Variants in OTUD7A observed in about 807,000 individuals in gnomAD.
OTUD7A encodes OTU deubiquitinase 7A.
OTUD7A carries 12 observed loss-of-function variants against 65.7 expected under a neutral mutation model. The observed-to-expected ratio is 0.18, with a 90% CI of 0.12 to 0.30. The LOEUF (loss-of-function observed/expected upper bound fraction) is 0.30. Ranked by LOEUF, OTUD7A falls within the 10% of genes least tolerant of loss-of-function variation. OTUD7A has a pLI of 1.00. For missense variants in OTUD7A, 1,148 were observed against 1,304.8 expected, an observed-to-expected ratio of 0.88 and a Z score of 1.85; for synonymous variants, 641 against 586.3, an observed-to-expected ratio of 1.09 and a Z score of -1.35.
At chr15:31,628,012 G>C (rs1350566053) in intron 3 of OTUD7A, among the ~76,000 whole-genome samples, 1 of 152,048 alleles carries the variant, frequency 6.6e-6, no homozygotes, top group Non-Finnish European at 1.5e-5. Flanking sequence ...AGATGAGTAG[G>C]TTGCAAAAAT....
intron 3 of OTUD7A, among the ~76,000 whole-genome samples, chr15:31,618,177 A>T (rs1046650633): frequency 5.3e-5 from 8 of 152,176 alleles, no homozygotes; most frequent in Admixed American, 3.3e-4. Flanking sequence ...CCAGTCTATC[A>T]TTGATGGACA....
chr15:31,563,923 C>CA (rs5811650), intron 4 of OTUD7A, among the ~76,000 whole-genome samples: 70,595 of 151,912 alleles, frequency 0.46, 17,101 homozygotes, highest in East Asian at 0.91. Flanking sequence ...TGCTCCAGCA[C>CA]AGTGAAGATG....
At chr15:31,739,633 C>T (rs969193156) in intron 1 of OTUD7A, among the ~76,000 whole-genome samples, 11 of 152,036 alleles carry the variant, frequency 7.2e-5, no homozygotes, top group African/African-American at 2.7e-4. Flanking sequence ...CACTCTGTTG[C>T]CCAGGCTGGA....
At chr15:31,857,434 T>G (rs959816438) in intron 1 of OTUD7A, among the ~76,000 whole-genome samples, 4 of 152,136 alleles carry the variant, frequency 2.6e-5, no homozygotes, top group Non-Finnish European at 4.4e-5. Context: ...AGGCCTGGCC[T>G]GGGCACTCGT....
intron 1 of OTUD7A, among the ~76,000 whole-genome samples, chr15:31,717,483 A>G (rs1447657393): frequency 6.6e-6 from 1 of 152,136 alleles, no homozygotes; most frequent in East Asian, 1.9e-4. Context: ...GAGTGAGAAC[A>G]TGCGATATTT....
In OTUD7A at chr15:31,476,884, A is replaced by G. The variant is rs2041029849; in HGVS notation, c.*6410T>C. 6.6e-6 allele frequency: 1 copy of G among 152,302 alleles called. No individual in the cohort carries two copies. Among genetic ancestry groups the G allele is most frequent in the African/African-American group, 2.4e-5 (1 of 41,482 alleles). 9.4% of individuals were successfully genotyped at this position (152,302 alleles called of 1,614,324 possible). A position where few individuals can be genotyped will look rare whatever the true frequency, so the allele number is the denominator to read the frequency against. On this transcript the variant is annotated 3_prime_UTR_variant, in exon 13 of 13. Transcript: ENST00000307050. Reference sequence around the variant, plus strand: ...CTAGAAGTAAACACCAAAGTTAGGTAGTTGTGAAAATCATCTGGCAGGGGC... The same window carrying G: ...CTAGAAGTAAACACCAAAGTTAGGTGGTTGTGAAAATCATCTGGCAGGGGC...
intron 1 of OTUD7A, among the ~76,000 whole-genome samples, chr15:31,663,515 A>G (rs954628965): frequency 5.9e-5 from 8 of 135,000 alleles, no homozygotes; most frequent in Middle Eastern, 4.8e-3. Flanking sequence ...GCTCTCACTT[A>G]TAAGTGAGAA....
chr15:31,835,379 T>A (rs1897029201), intron 1 of OTUD7A, among the ~76,000 whole-genome samples: 2 of 152,234 alleles, frequency 1.3e-5, no homozygotes, highest in Non-Finnish European at 2.9e-5. Context: ...ATTATTATCA[T>A]CTTCCAGCTG....
At chr15:31,760,078 A>G (rs1159926352) in intron 1 of OTUD7A, among the ~76,000 whole-genome samples, 1 of 152,134 alleles carries the variant, frequency 6.6e-6, no homozygotes, top group Admixed American at 6.5e-5. Flanking sequence ...CAAATTTCCA[A>G]CAAACTCTTT....
intron 1 of OTUD7A, among the ~76,000 whole-genome samples, chr15:31,849,410 G>T (rs1897366448): frequency 1.3e-5 from 2 of 152,154 alleles, no homozygotes; most frequent in Admixed American, 6.5e-5. Flanking sequence ...ATTCAAGATG[G>T]ATTAAAGACT....
intron 3 of OTUD7A, among the ~76,000 whole-genome samples, chr15:31,619,427 G>A (rs951081663): frequency 2.6e-5 from 4 of 152,186 alleles, no homozygotes; most frequent in African/African-American, 9.6e-5. Context: ...TCTTCCATTT[G>A]TTTGTATCCT....
At chr15:31,523,683 G>A (rs115383656) in intron 8 of OTUD7A, among the ~76,000 whole-genome samples, 3,859 of 152,254 alleles carry the variant, frequency 0.025, 160 homozygotes, top group African/African-American at 0.087. Flanking sequence ...CCCTGAGCTC[G>A]CCAGTTTCTG....
At chr15:31,771,991 A>G (rs8041255) in intron 1 of OTUD7A, among the ~76,000 whole-genome samples, 2,734 of 152,106 alleles carry the variant, frequency 0.018, 82 homozygotes, top group African/African-American at 0.062. Flanking sequence ...GGTGGCTCAC[A>G]CCTGTAATCC....
intron 1 of OTUD7A, among the ~76,000 whole-genome samples, chr15:31,829,017 C>A (rs1896866553): frequency 1.3e-5 from 2 of 152,188 alleles, no homozygotes; most frequent in South Asian, 4.1e-4. Flanking sequence ...TGCCCCTGGT[C>A]CATTGTACAT....
At chr15:31,793,538 C>T (rs1895874068) in intron 1 of OTUD7A, among the ~76,000 whole-genome samples, 1 of 152,216 alleles carries the variant, frequency 6.6e-6, no homozygotes, top group Non-Finnish European at 1.5e-5. Flanking sequence ...ACCAAAAATA[C>T]ATGTTTCCTT....
chr15:31,811,435 A>T (rs1157208539), intron 1 of OTUD7A, among the ~76,000 whole-genome samples: 1 of 150,936 alleles, frequency 6.6e-6, no homozygotes, highest in Non-Finnish European at 1.5e-5. Flanking sequence ...GGTATGTGTG[A>T]GTGTGTGCTT....
intron 1 of OTUD7A, among the ~76,000 whole-genome samples, chr15:31,866,338 T>G (rs1272047171): frequency 6.6e-6 from 1 of 152,226 alleles, no homozygotes; most frequent in Non-Finnish European, 1.5e-5. Context: ...ACTCCCCCAC[T>G]TCCTGGTCCA....
At chr15:31,840,306 C>T (rs529308212) in intron 1 of OTUD7A, among the ~76,000 whole-genome samples, 69 of 152,136 alleles carry the variant, frequency 4.5e-4, no homozygotes, top group African/African-American at 1.4e-3. Flanking sequence ...GGTATGGTGG[C>T]GCACGCCTGT....
At chr15:31,682,077 G>C (rs1003294038) in intron 1 of OTUD7A, among the ~76,000 whole-genome samples, 1 of 152,178 alleles carries the variant, frequency 6.6e-6, no homozygotes, top group African/African-American at 2.4e-5. Flanking sequence ...TGGGGATTTT[G>C]CAAAGTGGAG....
Sources: allele counts gnomAD v4.1 joint callset (sites outside exome capture counted in the v4.1 genomes callset), GRCh38; gene constraint gnomAD v4.1.1; transcripts MANE v1.5; gene names NCBI Gene and HGNC (gene_info 2026-07-23, HGNC 2026-07-21).